Variants in COL5A1 observed in about 807,000 individuals in gnomAD.
COL5A1 encodes collagen alpha-1(V) chain.
A neutral mutation model predicts 263.7 loss-of-function variants in COL5A1; 16 were observed. The observed-to-expected ratio is 0.06, with a 90% CI of 0.04 to 0.09. The LOEUF is 0.09. COL5A1 is among the 10% of genes least tolerant of loss of function. The pLI is 1.00. For synonymous variants in COL5A1, 1,012 were observed against 1,004.5 expected (o/e 1.01, Z -0.14); for missense variants, 2,036 against 2,540.5 (o/e 0.80, Z 4.27).
intron 20 of COL5A1, among the ~76,000 whole-genome samples, chr9:134,764,322 CA>C (rs1177534617): frequency 2.1e-5 from 2 of 94,644 alleles, no homozygotes; most frequent in East Asian, 3.1e-4. Context: ...TATAGGGGGT[CA>C]GGGGGCGGCA....
In COL5A1 at chr9:134,818,917, C is replaced by T. The variant is rs763448522; in HGVS notation, c.4392+16C>T. On this transcript the variant is annotated intron_variant, in intron 56 of 65. Transcript: ENST00000371817. This position sits in a 1 kb window ranked among gnomAD's most constrained non-coding sequence, Gnocchi z 6.0. ...CGGCCCCATGGTGAGTCACATTCCT[C>T]ATGGTGAGCATAGCGGGTGGGATGA... The T allele has an allele frequency of 5.0e-6, 8 of 1,613,224 alleles. No homozygotes were observed. Among genetic ancestry groups the T allele is most frequent in the Non-Finnish European group, 5.1e-6 (6 of 1,179,836 alleles).
chr9:134,824,991 G>A, intron 62 of COL5A1, 136 bp downstream of exon 62: 1 of 1,281,092 alleles, frequency 7.8e-7, no homozygotes, highest in Non-Finnish European at 1.1e-6. Flanking sequence ...CCATCTGTGG[G>A]GCCGGGGTGC....
intron 11 of COL5A1, among the ~76,000 whole-genome samples, chr9:134,746,892 C>A (rs1835533855): frequency 6.6e-6 from 1 of 152,250 alleles, no homozygotes; most frequent in Admixed American, 6.5e-5. Context: ...TGTCTGACAC[C>A]TGCCTTGTCG....
intron 15 of COL5A1, 70 bp downstream of exon 15, chr9:134,753,973 T>C: frequency 1.5e-6 from 2 of 1,335,874 alleles, no homozygotes; most frequent in Non-Finnish European, 2.2e-6. Context: ...ACGGCGAGCA[T>C]GGAGGGACCC....
intron 32 of COL5A1, among the ~76,000 whole-genome samples, chr9:134,793,497 C>T (rs1837792719): frequency 6.6e-6 from 1 of 152,100 alleles, no homozygotes; most frequent in Non-Finnish European, 1.5e-5. Context: ...CCCCAGATGG[C>T]GTTGCGGTCG....
Position 134,822,987 on chromosome 9 carries a change from T to C in COL5A1, c.4609-11T>C. 1.2e-6 allele frequency: 2 copies of C among 1,614,046 alleles called. No individual in the cohort carries two copies. Among genetic ancestry groups the C allele is most frequent in the Non-Finnish European group, 1.7e-6 (2 of 1,179,978 alleles). ...CCGGCTTGCTGACGTTCTGCCCTCC[T>C]CTCTCTGCAGGGTCCGCCTGGTCCA... On this transcript the variant is annotated splice_polypyrimidine_tract_variant and intron_variant, in intron 59 of 65. Transcript: ENST00000371817.
chr9:134,811,982 T>C (rs1469968399), intron 46 of COL5A1, among the ~76,000 whole-genome samples: 4 of 152,252 alleles, frequency 2.6e-5, no homozygotes, highest in Non-Finnish European at 5.9e-5. Context: ...ATTTGGTGTT[T>C]GACAATGAAT....
intron 1 of COL5A1, among the ~76,000 whole-genome samples, chr9:134,683,791 C>T (rs1443788600): frequency 1.3e-5 from 2 of 152,178 alleles, no homozygotes; most frequent in African/African-American, 4.8e-5. Flanking sequence ...CTCATTGCAC[C>T]CCCTTTCCTG....
In COL5A1 at chr9:134,824,247, G is replaced by A. The variant is rs530944083; in HGVS notation, c.4699-353G>A. On this transcript the variant is annotated intron_variant, in intron 61 of 65. Transcript: ENST00000371817. ...GTGTTCAGCCCCAGCTAGGGCTGCA[G>A]AGGCCAGACTGGGGAGACCTGGTCC... 5.3e-5 allele frequency among the ~76,000 whole-genome samples: 8 copies of A among 152,362 alleles called. No homozygotes were observed. The South Asian group carries it at 1.7e-3, about 32-fold the overall frequency.
intron 39 of COL5A1, among the ~76,000 whole-genome samples, chr9:134,803,969 T>C (rs1196485290): frequency 1.3e-5 from 2 of 152,180 alleles, no homozygotes; most frequent in African/African-American, 4.8e-5. Flanking sequence ...TCTCCTCCCC[T>C]GGGCGCCCCA....
chr9:134,677,912 G>A lies in COL5A1; in HGVS notation c.110-13000G>A, dbSNP rs541583979. ...TCTTCTGCCTGGCCCTTGTTCCACC[G>A]CTGGGGGTCTCAAGATTCTCTGTCG... On this transcript the variant is annotated intron_variant, in intron 1 of 65. Coordinates refer to ENST00000371817, the MANE Select transcript of COL5A1 (RefSeq NM_000093.5). This position sits in a 1 kb window ranked among gnomAD's most constrained non-coding sequence, Gnocchi z 4.4. Among the ~76,000 whole-genome samples, 13 of 152,348 alleles carry A rather than the reference G, an allele frequency of 8.5e-5. No homozygotes were observed. In the East Asian group the frequency reaches 1.5e-3, roughly 18 times the overall value.
At chr9:134,762,560 T>C (rs540551971) in intron 19 of COL5A1, among the ~76,000 whole-genome samples, 1 of 152,208 alleles carries the variant, frequency 6.6e-6, no homozygotes, top group South Asian at 2.1e-4. Context: ...CGAAGTGGGA[T>C]CTCTGGGCCA....
At chr9:134,793,503 G>A (rs933664560) in intron 32 of COL5A1, among the ~76,000 whole-genome samples, 2 of 152,126 alleles carry the variant, frequency 1.3e-5, no homozygotes, top group African/African-American at 2.4e-5. Flanking sequence ...ATGGCGTTGC[G>A]GTCGAGCCGG....
At chr9:134,688,024 C>T (rs960068786) in intron 1 of COL5A1, among the ~76,000 whole-genome samples, 13 of 152,206 alleles carry the variant, frequency 8.5e-5, no homozygotes, top group Non-Finnish European at 1.6e-4. Flanking sequence ...AAAGGCTGTG[C>T]GCCAGGCTCC....
intron 32 of COL5A1, among the ~76,000 whole-genome samples, chr9:134,792,659 C>T (rs1369959870): frequency 6.6e-6 from 1 of 152,188 alleles, no homozygotes; most frequent in African/African-American, 2.4e-5. Context: ...ACCACCATGC[C>T]CGGCCCAGAG....
At chr9:134,744,544 C>T (rs1268767160) in intron 11 of COL5A1, among the ~76,000 whole-genome samples, 3 of 151,934 alleles carry the variant, frequency 2.0e-5, no homozygotes, top group Non-Finnish European at 2.9e-5. Context: ...CTCACACCCA[C>T]ACATGCACAC....
At chr9:134,784,876 C>G in intron 29 of COL5A1, 113 bp from the exon 30 acceptor site, 2 of 870,490 alleles carry the variant, frequency 2.3e-6, no homozygotes, top group South Asian at 2.8e-5. Context: ...TGGAGCAGCT[C>G]TGACCACAGG....
At position 134,682,880 on chromosome 9, in the gene COL5A1, ACAGAC is replaced by A. The variant is rs1832903197; in HGVS notation, c.110-8031_110-8027del. Among the ~76,000 whole-genome samples, 1 of 152,118 alleles carries A rather than the reference ACAGAC, an allele frequency of 6.6e-6. No individual in the cohort carries two copies. The highest frequency in any genetic ancestry group is 2.4e-5 in the African/African-American group (1 of 41,418). On this transcript the variant is annotated intron_variant, in intron 1 of 65. Coordinates refer to ENST00000371817, the MANE Select transcript of COL5A1 (RefSeq NM_000093.5). This position sits in a 1 kb window ranked among gnomAD's most constrained non-coding sequence, Gnocchi z 5.1. ...GCGGCCAGCACATCATCCGGTGGGG[ACAGAC>A]AGCCTGGGCTTCAAAGGCAGCCGAC...
chr9:134,665,655 T>C (rs547924269), intron 1 of COL5A1, among the ~76,000 whole-genome samples: 1 of 152,216 alleles, frequency 6.6e-6, no homozygotes, highest in East Asian at 1.9e-4. Context: ...CTTTGGAAGG[T>C]GGACAGTTGT....
Sources: allele counts gnomAD v4.1 joint callset (sites outside exome capture counted in the v4.1 genomes callset), GRCh38; gene constraint gnomAD v4.1.1; non-coding constraint Gnocchi (gnomAD v3.1); transcripts MANE v1.5; gene names NCBI Gene and HGNC (gene_info 2026-07-23, HGNC 2026-07-21).